Variants in FAM135B observed in about 807,000 individuals in gnomAD.
The protein encoded by FAM135B is family with sequence similarity 135 member B.
FAM135B carries 43 observed loss-of-function variants against 127.7 expected under a neutral mutation model. That is an observed-to-expected ratio of 0.34 (90% confidence interval 0.26 to 0.43). The LOEUF is 0.43. Among genes scored for constraint, FAM135B ranks in the 20% least tolerant of loss-of-function variants. FAM135B has a pLI of 1.00. For synonymous variants in FAM135B, 670 were observed against 665.1 expected, an observed-to-expected ratio of 1.01 and a Z score of -0.11; for missense variants, 1,558 against 1,725.6, an observed-to-expected ratio of 0.90 and a Z score of 1.72.
chr8:138,223,493 C>T (rs1819185820), intron 7 of FAM135B, among the ~76,000 whole-genome samples: 2 of 152,298 alleles, frequency 1.3e-5, no homozygotes, highest in African/African-American at 4.8e-5. Context: ...AATGCTTGTG[C>T]AGAGTCCTGT....
chr8:138,493,536 C>G (rs950698507), intron 1 of FAM135B, among the ~76,000 whole-genome samples: 1 of 152,272 alleles, frequency 6.6e-6, no homozygotes, highest in African/African-American at 2.4e-5. Flanking sequence ...GTGCATTTGC[C>G]TATCTATCTT....
intron 2 of FAM135B, among the ~76,000 whole-genome samples, chr8:138,339,822 G>A (rs562764259): frequency 1.1e-4 from 17 of 152,152 alleles, no homozygotes; most frequent in Non-Finnish European, 2.2e-4. Context: ...GTCCTCTGCA[G>A]GGCTGGACTC....
At chr8:138,334,205 G>A (rs1406995970) in intron 2 of FAM135B, among the ~76,000 whole-genome samples, 3 of 152,144 alleles carry the variant, frequency 2.0e-5, no homozygotes, top group Non-Finnish European at 4.4e-5. Context: ...TTACAGGCAT[G>A]AGACACCATG....
intron 7 of FAM135B, among the ~76,000 whole-genome samples, chr8:138,209,420 C>A (rs990276583): frequency 5.3e-5 from 8 of 151,950 alleles, no homozygotes; most frequent in Admixed American, 3.9e-4. Flanking sequence ...AAGAGGAGGG[C>A]GTGACAAGCA....
chr8:138,280,469 T>C (rs6577904), intron 3 of FAM135B, among the ~76,000 whole-genome samples: 149,154 of 152,284 alleles, frequency 0.98, 73,084 homozygotes, highest in East Asian at 1. Context: ...GCCCTTTATA[T>C]GCTGCTGGGG....
chr8:138,429,868 T>C (rs533366750), intron 1 of FAM135B, among the ~76,000 whole-genome samples: 2 of 152,252 alleles, frequency 1.3e-5, no homozygotes, highest in East Asian at 1.9e-4. Flanking sequence ...CCAACTACCA[T>C]ACTGGAGAAA....
chr8:138,230,158 G>C (rs1336556824), intron 7 of FAM135B, among the ~76,000 whole-genome samples: 2 of 152,138 alleles, frequency 1.3e-5, no homozygotes, highest in Admixed American at 6.5e-5. Flanking sequence ...TGCATGTAAA[G>C]ATGAAATGGG....
chr8:138,181,861 A>T (rs1243066767), intron 9 of FAM135B, among the ~76,000 whole-genome samples: 1 of 151,916 alleles, frequency 6.6e-6, no homozygotes, highest in Non-Finnish European at 1.5e-5. Context: ...CACTCATAGC[A>T]CCTCCACCCA....
At chr8:138,489,470 C>G (rs1371005598) in intron 1 of FAM135B, among the ~76,000 whole-genome samples, 1 of 152,168 alleles carries the variant, frequency 6.6e-6, no homozygotes, top group Non-Finnish European at 1.5e-5. Flanking sequence ...CTGAAATAGA[C>G]TCCCACCCAG....
chr8:138,364,350 G>A (rs1037220058), intron 2 of FAM135B, among the ~76,000 whole-genome samples: 1 of 152,132 alleles, frequency 6.6e-6, no homozygotes, highest in East Asian at 1.9e-4. Flanking sequence ...TGGTTAACAA[G>A]TGCAAGGTTT....
intron 14 of FAM135B, 73 bp from the exon 15 acceptor site, chr8:138,146,123 T>C: frequency 5.3e-6 from 4 of 748,988 alleles, no homozygotes; most frequent in Non-Finnish European, 9.1e-6. Flanking sequence ...GAGGAATTTC[T>C]TTCTCTCTCC....
intron 2 of FAM135B, among the ~76,000 whole-genome samples, chr8:138,350,497 A>C (rs1282275860): frequency 1.4e-5 from 2 of 148,060 alleles, no homozygotes; most frequent in East Asian, 3.9e-4. Context: ...GGTTTTCTAC[A>C]ACACACACAC....
intron 3 of FAM135B, among the ~76,000 whole-genome samples, chr8:138,278,731 T>G (rs1177950310): frequency 2.0e-5 from 3 of 151,832 alleles, no homozygotes; most frequent in Non-Finnish European, 4.4e-5. Flanking sequence ...CCCAGCTAAA[T>G]TTTTGTATTT....
At chr8:138,292,016 G>A (rs1217012682) in intron 3 of FAM135B, among the ~76,000 whole-genome samples, 3 of 151,994 alleles carry the variant, frequency 2.0e-5, no homozygotes, top group Non-Finnish European at 4.4e-5. Flanking sequence ...CATATACAGA[G>A]AAGCCTAAAA....
chr8:138,358,779 C>T (rs1282126247), intron 2 of FAM135B, among the ~76,000 whole-genome samples: 1 of 152,118 alleles, frequency 6.6e-6, no homozygotes, highest in African/African-American at 2.4e-5. Flanking sequence ...AGTTCTTTTA[C>T]AGCACAAAAC....
intron 2 of FAM135B, among the ~76,000 whole-genome samples, chr8:138,340,049 C>A (rs1208640156): frequency 1.3e-5 from 2 of 152,168 alleles, no homozygotes; most frequent in African/African-American, 4.8e-5. Context: ...TGCAAGAACT[C>A]CTTTGTCATC....
intron 1 of FAM135B, among the ~76,000 whole-genome samples, chr8:138,483,359 C>T (rs945827494): frequency 2.6e-5 from 4 of 152,210 alleles, no homozygotes; most frequent in African/African-American, 4.8e-5. Context: ...CTTTGAGCGA[C>T]GTGTTACCAC....
Position 138,152,393 on chromosome 8 carries a change from G to A in FAM135B, c.2082C>T (p.Ser694=), listed in dbSNP as rs772028373. ...SDSGIESEPS[S]VAWSEARSRA... The stretch of plus-strand genomic sequence containing the variant: ...TGCTTCGGGCCTCTGACCAGGCGAC[G>A]GAGCTTGGCTCACTCTCAATGCCTG... Residue 694 remains serine, a synonymous_variant, in exon 13 of 20, where the codon TCC becomes TCT. Coordinates refer to ENST00000395297, the MANE Select transcript of FAM135B (RefSeq NM_015912.4). The A allele has an allele frequency of 1.7e-5, 28 of 1,614,052 alleles. No homozygotes were observed. Among genetic ancestry groups the A allele is most frequent in the Middle Eastern group, 3.3e-4 (2 of 6,084 alleles).
At chr8:138,214,689 G>A (rs745775096) in intron 7 of FAM135B, among the ~76,000 whole-genome samples, 1 of 151,996 alleles carries the variant, frequency 6.6e-6, no homozygotes, top group Admixed American at 6.6e-5. Context: ...CCTAGATAAG[G>A]AAAAACCTAC....
Sources: gnomAD v4.1 joint callset for allele counts (sites outside exome capture counted in the v4.1 genomes callset) on GRCh38, gnomAD v4.1.1 for gene constraint, MANE v1.5 for transcripts, NCBI Gene and HGNC (gene_info 2026-07-23, HGNC 2026-07-21) for gene names.